The following NREP variants were observed in gnomAD, a reference collection of about 807,000 sequenced individuals.
NREP encodes neuronal regeneration-related protein.
Under a neutral mutation model 8.6 loss-of-function variants are expected in NREP, and 5 were observed. The observed-to-expected ratio is 0.58, with a 90% confidence interval of 0.30 to 1.22. The LOEUF (loss-of-function observed/expected upper bound fraction) is 1.22, where lower values mean the gene tolerates loss of function less well. Among genes scored for constraint, NREP ranks in the 50% most tolerant of loss-of-function variants. The probability of loss-of-function intolerance (pLI) is 0.07; values close to 1 mark genes in which losing one functional copy is unlikely to be tolerated. For synonymous variants in NREP, 27 were observed against 28.0 expected (o/e 0.96, Z 0.11); for missense variants, 86 against 82.5 (o/e 1.04, Z -0.17).
chr5:111,762,815 C>T (rs913308636), intron 2 of NREP, among the ~76,000 whole-genome samples: 3 of 152,144 alleles, frequency 2.0e-5, no homozygotes, highest in African/African-American at 7.2e-5. Flanking sequence ...ATAGACCGCC[C>T]TTGCAGCAAA....
exon 2 of NREP, chr5:111,975,329 C>G (rs1345750873): frequency 1.3e-6 from 2 of 1,551,542 alleles, no homozygotes; most frequent in Non-Finnish European, 1.7e-6. Context: ...ACAAGGGACT[C>G]TGTCTGTCAT....
chr5:111,849,713 T>C (rs1268327443), intron 2 of NREP, among the ~76,000 whole-genome samples: 1 of 151,904 alleles, frequency 6.6e-6, no homozygotes, highest in Non-Finnish European at 1.5e-5. Flanking sequence ...TAGTAAGAAG[T>C]TGAAATTCAT....
At chr5:111,741,824 T>TACACACAG (rs138411321) in intron 2 of NREP, among the ~76,000 whole-genome samples, 11,573 of 73,298 alleles carry the variant, frequency 0.16, 542 homozygotes, top group Non-Finnish European at 0.19. Flanking sequence ...AACACACACA[T>TACACACAG]ACACACACAC....
intron 1 of NREP, 37 bp downstream of exon 1, chr5:111,757,099 G>C: frequency 1.6e-6 from 1 of 633,860 alleles, no homozygotes; most frequent in Non-Finnish European, 2.0e-6. Context: ...AGAGAAACCA[G>C]CGCTCCCAGC....
chr5:111,947,210 A>G (rs759006659), intron 2 of NREP, among the ~76,000 whole-genome samples: 1 of 152,050 alleles, frequency 6.6e-6, no homozygotes, highest in Non-Finnish European at 1.5e-5. Context: ...GTAGCTACTT[A>G]AAAACGCTTT....
chr5:111,801,981 T>G (rs983312512), intron 2 of NREP, among the ~76,000 whole-genome samples: 1 of 152,192 alleles, frequency 6.6e-6, no homozygotes. Flanking sequence ...CTCTGATCCC[T>G]GGTGGAGCTT....
chr5:111,785,698 A>G (rs1406228991), intron 2 of NREP, among the ~76,000 whole-genome samples: 1 of 152,188 alleles, frequency 6.6e-6, no homozygotes, highest in African/African-American at 2.4e-5. Flanking sequence ...CATGGAAGGG[A>G]TAAGAAAGGG....
chr5:111,952,787 T>G (rs1290490133), intron 2 of NREP, among the ~76,000 whole-genome samples: 2 of 152,232 alleles, frequency 1.3e-5, no homozygotes, highest in Middle Eastern at 3.4e-3. Flanking sequence ...CCTGTAGTTA[T>G]GCAAGATGTT....
chr5:111,883,605 C>A (rs1230723302), intron 2 of NREP, among the ~76,000 whole-genome samples: 7 of 151,906 alleles, frequency 4.6e-5, no homozygotes, highest in Non-Finnish European at 1.0e-4. Flanking sequence ...TAAAAGATCA[C>A]ACATTATAAC....
intron 2 of NREP, among the ~76,000 whole-genome samples, chr5:111,967,413 T>C (rs1581258978): frequency 6.6e-6 from 1 of 152,238 alleles, no homozygotes; most frequent in Admixed American, 6.5e-5. Flanking sequence ...ATTAATTTTT[T>C]TCAGACATTG....
At chr5:111,769,864 C>T (rs1014812643) in intron 2 of NREP, among the ~76,000 whole-genome samples, 1 of 152,176 alleles carries the variant, frequency 6.6e-6, no homozygotes, top group Non-Finnish European at 1.5e-5. Flanking sequence ...TACCAGGTCT[C>T]TTCCCCAACA....
chr5:111,936,712 A>T (rs1336717164), intron 2 of NREP, among the ~76,000 whole-genome samples: 1 of 152,090 alleles, frequency 6.6e-6, no homozygotes, highest in African/African-American at 2.4e-5. Context: ...AATCTCCTTG[A>T]TTCCCTACAG....
intron 2 of NREP, among the ~76,000 whole-genome samples, chr5:111,850,828 T>C (rs1220892210): frequency 6.6e-6 from 1 of 152,196 alleles, no homozygotes; most frequent in Non-Finnish European, 1.5e-5. Flanking sequence ...ACCAGTTCCC[T>C]AAGAAAGACT....
intron 2 of NREP, among the ~76,000 whole-genome samples, chr5:111,781,044 T>C (rs1751481745): frequency 6.6e-6 from 1 of 152,164 alleles, no homozygotes; most frequent in Non-Finnish European, 1.5e-5. Context: ...GTTTTTTATA[T>C]AGGTCAACTT....
intron 2 of NREP, among the ~76,000 whole-genome samples, chr5:111,800,502 C>A (rs6890703): frequency 6.6e-6 from 1 of 151,986 alleles, no homozygotes; most frequent in African/African-American, 2.4e-5. Context: ...TGTTTTACAG[C>A]GGAGTCCTGT....
chr5:111,927,326 G>GA (rs1399102177), intron 2 of NREP, among the ~76,000 whole-genome samples: 1 of 152,068 alleles, frequency 6.6e-6, no homozygotes, highest in Admixed American at 6.6e-5. Flanking sequence ...CTCAAAATGG[G>GA]AAAATTTCCA....
intron 2 of NREP, among the ~76,000 whole-genome samples, chr5:111,956,110 C>T (rs886111174): frequency 3.9e-5 from 6 of 151,962 alleles, no homozygotes; most frequent in Non-Finnish European, 8.8e-5. Flanking sequence ...ACAGTGAGAG[C>T]CTCTACAGAT....
chr5:111,809,633 C>A (rs909546592), intron 2 of NREP, among the ~76,000 whole-genome samples: 1 of 152,150 alleles, frequency 6.6e-6, no homozygotes, highest in Admixed American at 6.5e-5. Flanking sequence ...TCCACTTCCC[C>A]TTTGACCTTC....
chr5:111,818,962 A>G (rs149404203), intron 2 of NREP, among the ~76,000 whole-genome samples: 102 of 152,334 alleles, frequency 6.7e-4, no homozygotes, highest in Non-Finnish European at 1.1e-3. Context: ...AGTAGAGTTG[A>G]TTCCCATTAT....
Sources: gnomAD v4.1 joint callset for allele counts (sites outside exome capture counted in the v4.1 genomes callset) on GRCh38, gnomAD v4.1.1 for gene constraint, MANE v1.5 for transcripts, NCBI Gene and HGNC (gene_info 2026-07-23, HGNC 2026-07-21) for gene names.